SLC20A2: variants seen among roughly 807,000 people sequenced by gnomAD.
SLC20A2 encodes the protein solute carrier family 20 member 2.
A neutral mutation model predicts 61.0 loss-of-function variants in SLC20A2; 30 were observed. The ratio of observed to expected loss-of-function variants is 0.49; its 90% CI spans 0.37 to 0.67. SLC20A2 has a LOEUF of 0.67. Ranked by LOEUF, SLC20A2 falls within the 30% of genes least tolerant of loss-of-function variation. The pLI, the probability that SLC20A2 is intolerant of heterozygous loss-of-function variation, is 0.00. For missense variants in SLC20A2, 626 were observed against 866.4 expected (o/e 0.72, Z 3.48); for synonymous variants, 351 against 353.3 (o/e 0.99, Z 0.07).
intron 1 of SLC20A2, among the ~76,000 whole-genome samples, chr8:42,498,129 G>A (rs1273234998): frequency 1.3e-5 from 2 of 152,188 alleles, no homozygotes; most frequent in Admixed American, 6.5e-5. Flanking sequence ...GGAGAAAGAT[G>A]CTTTGATATT....
intron 5 of SLC20A2, among the ~76,000 whole-genome samples, chr8:42,451,404 TAGAGGA>T: frequency 1.1e-5 from 1 of 94,214 alleles, no homozygotes; most frequent in East Asian, 3.1e-4. Flanking sequence ...GAGGAAGAGA[TAGAGGA>T]GAAGGAGTAG....
At chr8:42,451,068 A>T (rs1267180490) in intron 5 of SLC20A2, among the ~76,000 whole-genome samples, 1 of 152,182 alleles carries the variant, frequency 6.6e-6, no homozygotes, top group African/African-American at 2.4e-5. Context: ...CACAAAGCCA[A>T]CTGGCAGCCT....
At chr8:42,467,515 G>A (rs955430758) in intron 2 of SLC20A2, among the ~76,000 whole-genome samples, 3 of 152,192 alleles carry the variant, frequency 2.0e-5, no homozygotes, top group African/African-American at 7.2e-5. Flanking sequence ...CTGGAAACCT[G>A]GTTGCCTGGC....
At chr8:42,434,474 C>T (rs910901656) in intron 8 of SLC20A2, among the ~76,000 whole-genome samples, 3 of 152,146 alleles carry the variant, frequency 2.0e-5, no homozygotes, top group Non-Finnish European at 4.4e-5. Flanking sequence ...TCACTGCAAG[C>T]TCTTGTCTCC....
intron 10 of SLC20A2, among the ~76,000 whole-genome samples, chr8:42,424,739 C>A (rs558377275): frequency 2.0e-5 from 3 of 152,238 alleles, no homozygotes; most frequent in African/African-American, 7.2e-5. Flanking sequence ...AAATAGGCTA[C>A]GACAAAATTG....
intron 10 of SLC20A2, among the ~76,000 whole-genome samples, chr8:42,418,940 T>C (rs1357364251): frequency 2.7e-5 from 4 of 148,840 alleles, no homozygotes; most frequent in Non-Finnish European, 3.0e-5. Context: ...GGAGCTTGCA[T>C]TGAGCTTGCA....
intron 5 of SLC20A2, among the ~76,000 whole-genome samples, chr8:42,447,965 G>T (rs974110061): frequency 2.0e-5 from 3 of 152,170 alleles, no homozygotes; most frequent in African/African-American, 7.2e-5. Flanking sequence ...GCTGAGAGCC[G>T]CTTGTGCGAC....
chr8:42,493,772 C>T (rs942313257), intron 1 of SLC20A2, among the ~76,000 whole-genome samples: 23 of 152,204 alleles, frequency 1.5e-4, no homozygotes, highest in Non-Finnish European at 2.8e-4. Context: ...GACCAGTACA[C>T]ATCAGTTTAC....
At chr8:42,454,724 AATTATT>A (rs1210176398) in intron 5 of SLC20A2, among the ~76,000 whole-genome samples, 31 of 151,072 alleles carry the variant, frequency 2.1e-4, no homozygotes, top group African/African-American at 6.8e-4. Flanking sequence ...CAGATTTTAC[AATTATT>A]ATTATTATTA....
chr8:42,463,686 T>C (rs1393322401), intron 3 of SLC20A2, among the ~76,000 whole-genome samples: 6 of 152,080 alleles, frequency 3.9e-5, no homozygotes, highest in Non-Finnish European at 8.8e-5. Flanking sequence ...GGTTTGGGCA[T>C]TGGTATTTTT....
intron 1 of SLC20A2, among the ~76,000 whole-genome samples, chr8:42,495,999 C>T (rs542725905): frequency 1.3e-5 from 2 of 152,326 alleles, no homozygotes; most frequent in African/African-American, 2.4e-5. Context: ...ATCCACCCAC[C>T]TTGGCCTCCC....
At chr8:42,502,094 G>T (rs1810356012), upstream of SLC20A2, among the ~76,000 whole-genome samples, 1 of 151,928 alleles carries the variant, frequency 6.6e-6, no homozygotes, top group South Asian at 2.1e-4. Flanking sequence ...CTCTATGAAA[G>T]ATATCAAAGC....
At chr8:42,476,084 CTTTTTTTTTT>C (rs11350697) in intron 1 of SLC20A2, among the ~76,000 whole-genome samples, 21 of 42,098 alleles carry the variant, frequency 5.0e-4, no homozygotes, top group East Asian at 3.2e-3. Context: ...TTTACTGTGT[CTTTTTTTTTT>C]TTTTTTTTTT....
intron 1 of SLC20A2, among the ~76,000 whole-genome samples, chr8:42,529,593 G>C (rs1812201010): frequency 6.6e-6 from 1 of 152,090 alleles, no homozygotes; most frequent in Non-Finnish European, 1.5e-5. Context: ...AAACATAATA[G>C]GGAACCATGA....
intron 6 of SLC20A2, among the ~76,000 whole-genome samples, chr8:42,442,790 T>C (rs1804879615): frequency 6.6e-6 from 1 of 152,246 alleles, no homozygotes; most frequent in Non-Finnish European, 1.5e-5. Flanking sequence ...AACTGGCATC[T>C]CTACTATACT....
chr8:42,472,625 C>T lies in SLC20A2; in HGVS notation c.-235G>A. 1 of 469,026 alleles carries T rather than the reference C, an allele frequency of 2.1e-6. No homozygotes were observed. Among genetic ancestry groups the T allele is most frequent in the Non-Finnish European group, 3.8e-6 (1 of 261,498 alleles). The allele number at this position is 469,026 out of a possible 1,614,324, so 29.1% of individuals were successfully genotyped here. A position where few individuals can be genotyped will look rare whatever the true frequency, so the allele number is the denominator to read the frequency against. On this transcript the variant is annotated 5_prime_UTR_variant, in exon 2 of 11. Transcript: ENST00000520262. This position sits in a 1 kb window ranked among gnomAD's most constrained non-coding sequence, Gnocchi z 4.1. ...GTAAAACACATTCCATATTTTTCCT[C>T]CCGATCTGGGAAAGCTGTGATGTCT...
intron 5 of SLC20A2, among the ~76,000 whole-genome samples, chr8:42,456,731 CAAAAAAAAAAAA>C (rs986357542): frequency 1.7e-5 from 1 of 58,554 alleles, no homozygotes; most frequent in African/African-American, 6.8e-5. Flanking sequence ...GACTCTGTCT[CAAAAAAAAAAAA>C]AAAAAAAAAA....
chr8:42,444,657 C>T lies in SLC20A2; in HGVS notation c.719G>A (p.Arg240Lys). 1 of 1,613,268 alleles carries T rather than the reference C, an allele frequency of 6.2e-7. No individual in the cohort carries two copies. Among genetic ancestry groups the T allele is most frequent in the South Asian group, 1.1e-5 (1 of 91,030 alleles). The change falls in exon 6 of 11, where the codon AGG becomes AAG. Residue 240 changes from arginine to lysine, a missense_variant. Transcript: ENST00000520262. ...TAAAAGGCCCATACCTGTTATTTTC[C>T]TCCGCATCCACGGACACACGAAGAG... ...VWLFVCPWMRRKITGKLQKEG... is the reference protein window; with the variant it reads ...VWLFVCPWMRKKITGKLQKEG...
intron 7 of SLC20A2, among the ~76,000 whole-genome samples, chr8:42,438,089 A>AAAAAAAAAAAAAAAAC (rs1804486752): frequency 6.9e-6 from 1 of 144,268 alleles, no homozygotes; most frequent in African/African-American, 2.7e-5. Flanking sequence ...AAAAAAAAAA[A>AAAAAAAAAAAAAAAAC]CATGGAAACA....
Sources: gnomAD v4.1 joint callset for allele counts (sites outside exome capture counted in the v4.1 genomes callset) on GRCh38, gnomAD v4.1.1 for gene constraint, Gnocchi (gnomAD v3.1) non-coding constraint, MANE v1.5 for transcripts, NCBI Gene and HGNC (gene_info 2026-07-23, HGNC 2026-07-21) for gene names.